MYO19: variants seen among roughly 807,000 people sequenced by gnomAD.
The protein encoded by MYO19 is myosin XIX.
MYO19 carries 132 observed loss-of-function variants against 129.2 expected under a neutral mutation model. The observed-to-expected ratio is 1.02, with a 90% CI of 0.89 to 1.18. The LOEUF is 1.18. MYO19 is among the 50% of genes most tolerant of loss of function. The pLI is 0.00. For synonymous variants in MYO19, 531 were observed against 477.2 expected (o/e 1.11, Z -1.47); for missense variants, 1,210 against 1,216.7 (o/e 0.99, Z 0.08).
At chr17:36,518,034 G>GA (rs1244375240) in intron 6 of MYO19, among the ~76,000 whole-genome samples, 1 of 151,154 alleles carries the variant, frequency 6.6e-6, no homozygotes, top group Non-Finnish European at 1.5e-5. Context: ...AGGTTGCAGT[G>GA]AGCTGAGCTC....
chr17:36,541,103 A>G (rs1227109471), intron 2 of MYO19, among the ~76,000 whole-genome samples: 1 of 151,402 alleles, frequency 6.6e-6, no homozygotes, highest in Non-Finnish European at 1.5e-5. Flanking sequence ...GCCCGCCACC[A>G]CACCCGGCTG....
chr17:36,499,779 C>T (rs1321166184), intron 23 of MYO19: 1 of 146,942 alleles, frequency 6.8e-6, no homozygotes, highest in Non-Finnish European at 1.5e-5. Context: ...ATCTCCCAGG[C>T]TCAAGCAATC....
At chr17:36,536,013 T>TA (rs1173843269), upstream of MYO19, among the ~76,000 whole-genome samples, 2 of 152,198 alleles carry the variant, frequency 1.3e-5, no homozygotes, top group Admixed American at 6.5e-5. Flanking sequence ...TTCACTTACT[T>TA]ATTCAGCTCA....
At position 36,525,281 on chromosome 17, in the gene MYO19, TCAGGCTCTTGA is replaced by T; in HGVS notation, c.350_360del (p.Val117AspfsTer2). On this transcript the variant is annotated frameshift_variant, in exon 6 of 26. Coordinates refer to ENST00000614623, the MANE Select transcript of MYO19 (RefSeq NM_001163735.2). LOFTEE classifies it high-confidence loss of function. ...ACAATAGACTGGTTGACTGGTTCAA[TCAGGCTCTTGA>T]CATTCCTGTAGGTCTGTTCACCCAC... 1 of 1,613,996 alleles carries T rather than the reference TCAGGCTCTTGA, an allele frequency of 6.2e-7. No homozygotes were observed. Among genetic ancestry groups the T allele is most frequent in the South Asian group, 1.1e-5 (1 of 91,074 alleles).
intron 8 of MYO19, among the ~76,000 whole-genome samples, chr17:36,514,775 T>C (rs2072624891): frequency 1.3e-5 from 2 of 152,188 alleles, no homozygotes; most frequent in South Asian, 4.1e-4. Flanking sequence ...TGCACATCAC[T>C]TTGCTCTACC....
At chr17:36,517,322 C>T (rs571099088) in intron 6 of MYO19, among the ~76,000 whole-genome samples, 5 of 152,146 alleles carry the variant, frequency 3.3e-5, no homozygotes, top group Non-Finnish European at 4.4e-5. Context: ...TGCAGTGGCA[C>T]GATCTCGGCT....
chr17:36,498,018 AGATTT>A, intron 25 of MYO19: 1 of 505,190 alleles, frequency 2.0e-6, no homozygotes, highest in South Asian at 3.7e-5. Context: ...TGGGACTAGA[AGATTT>A]AGAGATGCTG....
At chr17:36,502,347 C>T (rs1307210584) in intron 21 of MYO19, among the ~76,000 whole-genome samples, 1 of 152,300 alleles carries the variant, frequency 6.6e-6, no homozygotes, top group East Asian at 1.9e-4. Context: ...CACCCATGCC[C>T]GGGCTCTTCA....
rs574210157 is a variant in MYO19, at chr17:36,496,010, A to ATGTT, written c.*237_*240dup. The stretch of plus-strand genomic sequence containing the variant: ...GTGAAGGTAGTGAAATGTGGCCCTG[A>ATGTT]TGTTTCTTAACCCTGATTTGGTAAC... On this transcript the variant is annotated 3_prime_UTR_variant, in exon 26 of 26. Transcript: ENST00000614623. The ATGTT allele has an allele frequency of 6.5e-3, 5,053 of 779,034 alleles. 23 individuals are homozygous for ATGTT. Among genetic ancestry groups the ATGTT allele is most frequent in the Non-Finnish European group, 7.5e-3 (4,013 of 536,190 alleles). The allele number at this position is 779,034 out of a possible 1,614,324, so 48.3% of individuals were successfully genotyped here. A position where few individuals can be genotyped will look rare whatever the true frequency, so the allele number is the denominator to read the frequency against.
chr17:36,510,200 T>G (rs1203860278), intron 13 of MYO19, among the ~76,000 whole-genome samples: 1 of 152,240 alleles, frequency 6.6e-6, no homozygotes, highest in Admixed American at 6.5e-5. Context: ...AGGTGAGAGA[T>G]CATCCTTAAC....
chr17:36,516,520 G>C (rs756700978), intron 6 of MYO19, among the ~76,000 whole-genome samples: 21 of 152,074 alleles, frequency 1.4e-4, no homozygotes, highest in African/African-American at 4.6e-4. Flanking sequence ...ACAGGCGCAC[G>C]CCACCACGCC....
chr17:36,530,490 T>C (rs1008895458), intron 3 of MYO19, among the ~76,000 whole-genome samples: 2 of 140,344 alleles, frequency 1.4e-5, no homozygotes, highest in Non-Finnish European at 1.5e-5. Context: ...GGAGTTTCGC[T>C]CTGTCGCCCA....
At position 36,495,831 on chromosome 17, in the gene MYO19, C is replaced by T. The variant is rs1053904649; in HGVS notation, c.*420G>A. On this transcript the variant is annotated 3_prime_UTR_variant, in exon 26 of 26. Coordinates refer to ENST00000614623, the MANE Select transcript of MYO19 (RefSeq NM_001163735.2). ...ACTAATTAAATACTAAAGTTTTGTT[C>T]CTTTTTAAAGGAAATAACCACAAGA... 7.3e-6 allele frequency: 9 copies of T among 1,240,688 alleles called. No individual in the cohort carries two copies. The East Asian group carries it at 1.9e-4, about 26-fold the overall frequency. The allele number at this position is 1,240,688 out of a possible 1,614,324, so 76.9% of individuals were successfully genotyped here.
intron 12 of MYO19, 148 bp from the exon 13 acceptor site, chr17:36,511,065 A>T: frequency 1.1e-6 from 1 of 926,916 alleles, no homozygotes; most frequent in Non-Finnish European, 1.6e-6. Flanking sequence ...CACCCAAAGG[A>T]CTCCATAAAC....
intron 19 of MYO19, chr17:36,504,928 A>G (rs1423055273): frequency 9.8e-5 from 28 of 286,958 alleles, no homozygotes; most frequent in South Asian, 3.1e-4. Context: ...AAAAAAAAAA[A>G]AAGAAAAAAA....
chr17:36,525,354 G>A lies in MYO19; in HGVS notation c.301-13C>T. The A allele has an allele frequency of 6.4e-7, 1 of 1,574,246 alleles. No homozygotes were observed. On this transcript the variant is annotated splice_polypyrimidine_tract_variant and intron_variant, in intron 5 of 25. Transcript: ENST00000614623. ...GGGGCTTCAGTTTCTGGAACATCAA[G>A]GAGTGAAAGGTCATGTGAGGGAATG...
chr17:36,511,729 AC>A (rs1303774903), intron 11 of MYO19, among the ~76,000 whole-genome samples: 3 of 152,170 alleles, frequency 2.0e-5, no homozygotes, highest in African/African-American at 7.2e-5. Context: ...TGGGATGAGA[AC>A]CCAGGCTGAC....
chr17:36,533,312 T>C (rs1025526726), intron 2 of MYO19: 1 of 152,156 alleles, frequency 6.6e-6, no homozygotes, highest in Non-Finnish European at 1.5e-5. Context: ...GATGATCCAT[T>C]TGGGAGCGCT....
chr17:36,498,258 C>T lies in MYO19; in HGVS notation c.2757+8G>A. ...ACAAAGCTGTCATGGCCATCACACA[C>T]AACGTACCTGAGGCAGCGCTCGGAT... On this transcript the variant is annotated splice_region_variant and intron_variant, in intron 25 of 25. Coordinates refer to ENST00000614623, the MANE Select transcript of MYO19 (RefSeq NM_001163735.2). 6.2e-7 allele frequency: 1 copy of T among 1,606,880 alleles called. No homozygotes were observed. The highest frequency in any genetic ancestry group is 8.5e-7 in the Non-Finnish European group (1 of 1,176,296).
Sources: allele counts gnomAD v4.1 joint callset (sites outside exome capture counted in the v4.1 genomes callset), GRCh38; gene constraint gnomAD v4.1.1; transcripts MANE v1.5; gene names NCBI Gene and HGNC (gene_info 2026-07-23, HGNC 2026-07-21).